C13orf42: variants seen among roughly 807,000 people sequenced by gnomAD.
C13orf42 encodes chromosome 13 open reading frame 42, also known as uncharacterized protein C13orf42.
intron 1 of C13orf42, among the ~76,000 whole-genome samples, chr13:51,103,460 T>C (rs1270069732): frequency 2.6e-5 from 4 of 152,072 alleles, no homozygotes; most frequent in Non-Finnish European, 5.9e-5. Context: ...CCCAGCACTT[T>C]GGGAGGCCGA....
chr13:51,167,810 T>TATG (rs1210738575), intron 1 of C13orf42, among the ~76,000 whole-genome samples: 7 of 152,346 alleles, frequency 4.6e-5, no homozygotes, highest in East Asian at 1.9e-4. Flanking sequence ...TCTACCCAGG[T>TATG]ATGATGGAAG....
At chr13:51,168,776 T>C (rs1229136997) in intron 1 of C13orf42, among the ~76,000 whole-genome samples, 3 of 152,198 alleles carry the variant, frequency 2.0e-5, no homozygotes, top group Non-Finnish European at 1.5e-5. Context: ...GATTGGATCA[T>C]GGGGGCAGAC....
upstream of C13orf42, among the ~76,000 whole-genome samples, chr13:51,113,406 G>A (rs543630346): frequency 1.3e-5 from 2 of 152,360 alleles, no homozygotes; most frequent in Admixed American, 6.5e-5. Context: ...TGAGTGAGGG[G>A]AAAGAATGCT....
intron 1 of C13orf42, among the ~76,000 whole-genome samples, chr13:51,154,535 G>A (rs11617838): frequency 1.3e-3 from 198 of 152,314 alleles, no homozygotes; most frequent in Non-Finnish European, 2.1e-3. Flanking sequence ...GACTTTCCAT[G>A]TTTGACCTGA....
Position 51,170,779 on chromosome 13 carries a change from G to A in C13orf42, n.136+1474C>T, listed in dbSNP as rs564418692. Reference sequence around the variant, plus strand: ...TCCTTCACCCTTAGCGGCAAGTCCCGCTTTCCTGGGGCAGGGGCAAGTATC... The same window carrying A: ...TCCTTCACCCTTAGCGGCAAGTCCCACTTTCCTGGGGCAGGGGCAAGTATC... On this transcript the variant is annotated intron_variant and non_coding_transcript_variant, in intron 1 of 4. Transcript: ENST00000433280. Among the ~76,000 whole-genome samples the A allele has an allele frequency of 9.0e-4, 137 of 152,036 alleles. 3 individuals are homozygous for A. Among genetic ancestry groups the A allele is most frequent in the Non-Finnish European group, 1.3e-3 (91 of 67,972 alleles).
chr13:51,170,047 C>T (rs9591398), intron 1 of C13orf42, among the ~76,000 whole-genome samples: 30 of 152,090 alleles, frequency 2.0e-4, no homozygotes, highest in African/African-American at 4.1e-4. Context: ...ACTGATGACA[C>T]TACCTTGTGA....
intron 1 of C13orf42, among the ~76,000 whole-genome samples, chr13:51,136,791 A>C (rs1953661304): frequency 6.6e-6 from 1 of 152,232 alleles, no homozygotes; most frequent in Non-Finnish European, 1.5e-5. Context: ...GGCCCTGAGA[A>C]GCCAGAGGTG....
intron 1 of C13orf42, among the ~76,000 whole-genome samples, chr13:51,161,063 C>A (rs963573275): frequency 7.4e-6 from 1 of 134,414 alleles, no homozygotes; most frequent in Non-Finnish European, 1.7e-5. Flanking sequence ...TTCCACACTG[C>A]TGTGGAATCT....
intron 1 of C13orf42, among the ~76,000 whole-genome samples, chr13:51,101,701 T>C (rs1953293955): frequency 6.6e-6 from 1 of 152,230 alleles, no homozygotes. Flanking sequence ...ATAATGCCTC[T>C]GCTCAATGAG....
At chr13:51,161,530 T>A (rs1334795137) in intron 1 of C13orf42, among the ~76,000 whole-genome samples, 1 of 152,108 alleles carries the variant, frequency 6.6e-6, no homozygotes, top group Non-Finnish European at 1.5e-5. Flanking sequence ...AGGCCAATAT[T>A]CCCTTGCCTA....
intron 2 of C13orf42, among the ~76,000 whole-genome samples, chr13:51,086,513 A>T (rs908670502): frequency 1.4e-4 from 21 of 150,434 alleles, no homozygotes; most frequent in Non-Finnish European, 8.9e-5. Context: ...TGAGAGAGAG[A>T]GTGTGTGTGT....
In C13orf42 at chr13:51,085,405, T is replaced by C; in HGVS notation, c.717A>G (p.Arg239=). The C allele has an allele frequency of 2.5e-6, 1 of 398,350 alleles. No individual in the cohort carries two copies. The highest frequency in any genetic ancestry group is 4.4e-6 in the Non-Finnish European group (1 of 226,024). The allele number at this position is 398,350 out of a possible 1,614,324, so 24.7% of individuals were successfully genotyped here. A position where few individuals can be genotyped will look rare whatever the true frequency, so the allele number is the denominator to read the frequency against. ...GCAAATAAATGGGGTGCCTCTCGAG[T>C]CTCCTCTGAGTGCCCACGGTCCTGT... is the stretch of plus-strand genomic sequence containing the variant. ...TEHRTVGTQR[R]LERHPIYLPK... is the part of the protein sequence containing the mutation. The change falls in exon 3 of 4, where the codon AGA becomes AGG. Residue 239 remains arginine (R), a synonymous_variant. Transcript: ENST00000563710.
intron 1 of C13orf42, among the ~76,000 whole-genome samples, chr13:51,108,458 A>T (rs1953386972): frequency 6.6e-6 from 1 of 152,152 alleles, no homozygotes; most frequent in Non-Finnish European, 1.5e-5. Flanking sequence ...CCAGGCAGCC[A>T]TGGGCCACCC....
At chr13:51,153,625 TTTTTC>T in intron 1 of C13orf42, among the ~76,000 whole-genome samples, 1 of 142,266 alleles carries the variant, frequency 7.0e-6, no homozygotes. Flanking sequence ...CTTTCTGTTT[TTTTTC>T]TTTTTTTTTT....
At chr13:51,086,004 G>A (rs1050023565) in intron 2 of C13orf42, among the ~76,000 whole-genome samples, 10 of 152,028 alleles carry the variant, frequency 6.6e-5, no homozygotes, top group East Asian at 5.8e-4. Context: ...ATGACAGAGC[G>A]AGACTCCGTC....
chr13:51,149,326 A>AC (rs1953761939), intron 1 of C13orf42, among the ~76,000 whole-genome samples: 1 of 151,964 alleles, frequency 6.6e-6, no homozygotes, highest in Non-Finnish European at 1.5e-5. Flanking sequence ...AAAAAAAAAA[A>AC]AAAACCCTAA....
At chr13:51,146,832 G>T (rs1393903875) in intron 1 of C13orf42, among the ~76,000 whole-genome samples, 1 of 152,198 alleles carries the variant, frequency 6.6e-6, no homozygotes, top group Non-Finnish European at 1.5e-5. Flanking sequence ...CTTTAGCTTA[G>T]TGATTTGGGA....
intron 1 of C13orf42, among the ~76,000 whole-genome samples, chr13:51,154,181 A>T (rs752901731): frequency 6.6e-6 from 1 of 152,010 alleles, no homozygotes; most frequent in Non-Finnish European, 1.5e-5. Flanking sequence ...TTCCTTTTTT[A>T]AGCTGAATAA....
intron 1 of C13orf42, among the ~76,000 whole-genome samples, chr13:51,143,024 G>A (rs1273187541): frequency 6.6e-6 from 1 of 152,108 alleles, no homozygotes; most frequent in Non-Finnish European, 1.5e-5. Flanking sequence ...AAAGAATTGA[G>A]ATTAAAAAAT....
Sources: gnomAD v4.1 joint callset for allele counts (sites outside exome capture counted in the v4.1 genomes callset) on GRCh38, gnomAD v4.1.1 for gene constraint, MANE v1.5 for transcripts, NCBI Gene and HGNC (gene_info 2026-07-23, HGNC 2026-07-21) for gene names.